Variants in EDARADD observed in about 807,000 individuals in gnomAD.
EDARADD encodes EDAR associated via death domain.
In EDARADD, 20 loss-of-function variants were observed where a neutral mutation model predicts 25.6. The observed-to-expected ratio is 0.78, with a 90% CI of 0.55 to 1.14. The LOEUF is 1.14. EDARADD is among the 50% of genes most tolerant of loss of function. The pLI, the probability that EDARADD is intolerant of heterozygous loss-of-function variation, is 0.00. For synonymous variants in EDARADD, 86 were observed against 94.4 expected, an observed-to-expected ratio of 0.91 and a Z score of 0.52; for missense variants, 225 against 270.1, an observed-to-expected ratio of 0.83 and a Z score of 1.17.
chr1:236,377,061 T>C (rs1667232561), intron 3 of EDARADD, among the ~76,000 whole-genome samples: 1 of 150,958 alleles, frequency 6.6e-6, no homozygotes. Flanking sequence ...TCTGTTTACA[T>C]TGCCCATTTG....
At chr1:236,365,172 C>G (rs576019642) in intron 3 of EDARADD, among the ~76,000 whole-genome samples, 29 of 150,974 alleles carry the variant, frequency 1.9e-4, no homozygotes, top group Non-Finnish European at 2.9e-4. Flanking sequence ...TTCTCTCTCT[C>G]TCTCTCTTTG....
intron 4 of EDARADD, among the ~76,000 whole-genome samples, chr1:236,450,296 A>AAATAAT (rs71807819): frequency 1.3e-5 from 2 of 151,434 alleles, no homozygotes; most frequent in African/African-American, 2.4e-5. Context: ...TCTGTCTCTA[A>AAATAAT]AATAATAATA....
Position 236,398,039 on chromosome 1 carries a change from C to T in EDARADD, c.61+3534C>T, listed in dbSNP as rs562632540. On this transcript the variant is annotated intron_variant, in intron 1 of 5. Coordinates refer to ENST00000334232, the MANE Select transcript of EDARADD (RefSeq NM_145861.4). This position sits in a 1 kb window ranked among gnomAD's most constrained non-coding sequence, Gnocchi z 4.1. ...CTTCTCCCGCCTGGTGTTTTCACAC[C>T]ATTCCAACGTAGGTTTTCACACCCA... 6.6e-6 allele frequency among the ~76,000 whole-genome samples: 1 copy of T among 152,330 alleles called. No homozygotes were observed. Among genetic ancestry groups the T allele is most frequent in the South Asian group, 2.1e-4 (1 of 4,826 alleles).
intron 1 of EDARADD, among the ~76,000 whole-genome samples, chr1:236,405,755 TTCTTTCTTTCTTTC>T (rs1352750315): frequency 5.5e-5 from 3 of 54,292 alleles, no homozygotes; most frequent in East Asian, 5.6e-4. Context: ...CTTTCTTTCT[TTCTTTCTTTCTTTC>T]TTTCTTTCTT....
chr1:236,428,525 C>T (rs1448402173), intron 4 of EDARADD, among the ~76,000 whole-genome samples: 1 of 151,248 alleles, frequency 6.6e-6, no homozygotes, highest in East Asian at 1.9e-4. Flanking sequence ...CAGAGGGGCT[C>T]CTCACTTCTC....
intron 3 of EDARADD, among the ~76,000 whole-genome samples, chr1:236,362,887 T>C (rs1239244061): frequency 1.3e-5 from 2 of 149,216 alleles, no homozygotes; most frequent in African/African-American, 4.9e-5. Flanking sequence ...ATTTGTGGGC[T>C]GGTTGCAGTG....
At chr1:236,403,290 T>G (rs1283328534) in intron 1 of EDARADD, among the ~76,000 whole-genome samples, 1 of 150,914 alleles carries the variant, frequency 6.6e-6, no homozygotes, top group Admixed American at 6.6e-5. Flanking sequence ...TTTTTTCTTT[T>G]CTTTTTTCTT....
At chr1:236,400,720 ATT>A (rs55864840) in intron 1 of EDARADD, among the ~76,000 whole-genome samples, 18 of 121,152 alleles carry the variant, frequency 1.5e-4, no homozygotes, top group African/African-American at 4.0e-4. Flanking sequence ...ACACCCGGCT[ATT>A]TTTTTTTTTT....
intron 5 of EDARADD, among the ~76,000 whole-genome samples, chr1:236,478,685 G>A (rs1480177495): frequency 6.6e-6 from 1 of 152,014 alleles, no homozygotes; most frequent in Non-Finnish European, 1.5e-5. Flanking sequence ...CTCCCGAGTT[G>A]ACGCCATTCT....
At position 236,484,122 on chromosome 1, in the gene EDARADD, C is replaced by G. The variant is rs1659762627; in HGVS notation, c.*1473C>G. On this transcript the variant is annotated 3_prime_UTR_variant, in exon 6 of 6. Coordinates refer to ENST00000334232, the MANE Select transcript of EDARADD (RefSeq NM_145861.4). This position sits in a 1 kb window ranked among gnomAD's most constrained non-coding sequence, Gnocchi z 4.1. ...AGGAATCCAGGTAGTGGAGGATGAT[C>G]TCAGAGTGACCAACCCAAAGAGGAC... The G allele has an allele frequency of 6.6e-7, 1 of 1,514,722 alleles. No individual in the cohort carries two copies. Among genetic ancestry groups the G allele is most frequent in the Non-Finnish European group, 9.2e-7 (1 of 1,090,802 alleles). 93.8% of individuals were successfully genotyped at this position (1,514,722 alleles called of 1,614,324 possible).
chr1:236,409,208 T>C lies in EDARADD; in HGVS notation c.62-8T>C, dbSNP rs369439024. The C allele has an allele frequency of 1.1e-5, 17 of 1,608,242 alleles. No homozygotes were observed. The highest frequency in any genetic ancestry group is 1.4e-5 in the Non-Finnish European group (17 of 1,177,260). ...CGCTCTATTTGTTTGTTTTTGTTCT[T>C]TTTACAGATCATATGGTAAAGGAAC... On this transcript the variant is annotated splice_region_variant and splice_polypyrimidine_tract_variant and intron_variant, in intron 1 of 5. Coordinates refer to ENST00000334232, the MANE Select transcript of EDARADD (RefSeq NM_145861.4).
chr1:236,429,124 T>A (rs1658022662), intron 4 of EDARADD, among the ~76,000 whole-genome samples: 1 of 149,988 alleles, frequency 6.7e-6, no homozygotes, highest in Middle Eastern at 3.2e-3. Flanking sequence ...AGGGAGACCG[T>A]GCAAAGGGGA....
chr1:236,430,015 G>A (rs1658051896), intron 4 of EDARADD, among the ~76,000 whole-genome samples: 1 of 152,142 alleles, frequency 6.6e-6, no homozygotes, highest in Non-Finnish European at 1.5e-5. Flanking sequence ...CTGTAATAAA[G>A]TCTTTAATAG....
rs1667554533 is a variant in EDARADD at position 236,398,208 on chromosome 1, T to C, written c.61+3703T>C. 6.6e-6 allele frequency among the ~76,000 whole-genome samples: 1 copy of C among 152,158 alleles called. No homozygotes were observed. The highest frequency in any genetic ancestry group is 1.5e-5 in the Non-Finnish European group (1 of 68,020). ...GGCGTGATCCCCACTCACTGCAACC[T>C]CCGCCTCCCGGGTTCAAGAGATTCT... On this transcript the variant is annotated intron_variant, in intron 1 of 5. Coordinates refer to ENST00000334232, the MANE Select transcript of EDARADD (RefSeq NM_145861.4). The surrounding 1 kb of genome is among the most constrained non-coding windows in gnomAD (Gnocchi z 4.1).
chr1:236,363,006 A>AAATATATATAT (rs1377112051), intron 3 of EDARADD, among the ~76,000 whole-genome samples: 10 of 42,946 alleles, frequency 2.3e-4, no homozygotes, highest in African/African-American at 6.6e-4. Context: ...AAAAAAAAAA[A>AAATATATATAT]ATATATATAT....
intron 5 of EDARADD, 117 bp downstream of exon 5, chr1:236,468,393 G>C: frequency 1.9e-6 from 2 of 1,047,812 alleles, no homozygotes; most frequent in Non-Finnish European, 2.9e-6. Context: ...GGAGGCCAAG[G>C]TGGGCGGATC....
chr1:236,407,810 T>G (rs1204103466), intron 1 of EDARADD, among the ~76,000 whole-genome samples: 1 of 152,226 alleles, frequency 6.6e-6, no homozygotes, highest in Admixed American at 6.5e-5. Flanking sequence ...TTTGTACTAA[T>G]TAGGTCCTGA....
intron 1 of EDARADD, among the ~76,000 whole-genome samples, chr1:236,405,345 C>T (rs1366478889): frequency 1.3e-5 from 2 of 152,304 alleles, no homozygotes; most frequent in East Asian, 1.9e-4. Context: ...CATAACCCTC[C>T]AACACAAGCC....
At chr1:236,381,000 A>G (rs1052195156) in intron 3 of EDARADD, among the ~76,000 whole-genome samples, 3 of 152,232 alleles carry the variant, frequency 2.0e-5, no homozygotes, top group African/African-American at 7.2e-5. Flanking sequence ...TGAAACTATC[A>G]TCATGAGCAA....
Sources: gnomAD v4.1 joint callset for allele counts (sites outside exome capture counted in the v4.1 genomes callset) on GRCh38, gnomAD v4.1.1 for gene constraint, Gnocchi (gnomAD v3.1) non-coding constraint, MANE v1.5 for transcripts, NCBI Gene and HGNC (gene_info 2026-07-23, HGNC 2026-07-21) for gene names.